RFTN1: variants seen among roughly 807,000 people sequenced by gnomAD.
The protein encoded by RFTN1 is raftlin, lipid raft linker 1.
Under a neutral mutation model 46.5 loss-of-function variants are expected in RFTN1, and 26 were observed. That is an observed-to-expected ratio of 0.56 (90% confidence interval 0.41 to 0.78). The LOEUF (loss-of-function observed/expected upper bound fraction) is 0.78. RFTN1 is among the 30% of genes least tolerant of loss of function. The probability of loss-of-function intolerance (pLI) is 0.00; values close to 1 mark genes in which losing one functional copy is unlikely to be tolerated. For synonymous variants in RFTN1, 261 were observed against 284.2 expected (o/e 0.92, Z 0.82); for missense variants, 693 against 718.7 (o/e 0.96, Z 0.41).
chr3:16,431,857 C>T (rs2075395731), intron 3 of RFTN1, among the ~76,000 whole-genome samples: 1 of 152,172 alleles, frequency 6.6e-6, no homozygotes, highest in Admixed American at 6.5e-5. Flanking sequence ...AAGTGGTTCT[C>T]CACAAGAATT....
Position 16,316,914 on chromosome 3 carries a change from A to G in RFTN1, c.1651T>C (p.Cys551Arg), listed in dbSNP as rs1166366571. The change falls in exon 10 of 10, where the codon TGC becomes CGC. Residue 551 changes from cysteine (C) to arginine (R), a missense_variant. Coordinates refer to ENST00000334133, the MANE Select transcript of RFTN1 (RefSeq NM_015150.2). This position sits in a 1 kb window ranked among gnomAD's most constrained non-coding sequence, Gnocchi z 4.5. ...ASHSRALVGI[C>R]TGHSNPGEDA... The stretch of plus-strand genomic sequence containing the variant: ...TCTCCAGGATTGGAGTGCCCAGTGC[A>G]AATCCCCACCAGGGCCCTGCTGTGG... 5.6e-6 allele frequency: 9 copies of G among 1,614,116 alleles called. No homozygotes were observed. In the Middle Eastern group the frequency reaches 6.6e-4, roughly 118 times the overall value.
chr3:16,374,158 G>A lies in RFTN1; in HGVS notation c.826+3560C>T, dbSNP rs1466402555. Among the ~76,000 whole-genome samples the A allele has an allele frequency of 6.6e-6, 1 of 152,194 alleles. No homozygotes were observed. On this transcript the variant is annotated intron_variant, in intron 5 of 9. Coordinates refer to ENST00000334133, the MANE Select transcript of RFTN1 (RefSeq NM_015150.2). This position sits in a 1 kb window ranked among gnomAD's most constrained non-coding sequence, Gnocchi z 5.4. Reference sequence around the variant, plus strand: ...TGTGACTCTCCCAAACTTGATGAGAGGGGGTGGCCCTGGTTCTGTGCCCAG... The same window carrying A: ...TGTGACTCTCCCAAACTTGATGAGAAGGGGTGGCCCTGGTTCTGTGCCCAG...
rs1176740416 is a variant in RFTN1 at position 16,321,862 on chromosome 3, C to T, written c.1332+1514G>A. Among the ~76,000 whole-genome samples the T allele has an allele frequency of 6.6e-6, 1 of 152,194 alleles. No individual in the cohort carries two copies. Among genetic ancestry groups the T allele is most frequent in the Non-Finnish European group, 1.5e-5 (1 of 68,032 alleles). On this transcript the variant is annotated intron_variant, in intron 9 of 9. Coordinates refer to ENST00000334133, the MANE Select transcript of RFTN1 (RefSeq NM_015150.2). This position sits in a 1 kb window ranked among gnomAD's most constrained non-coding sequence, Gnocchi z 4.8. ...TTTTACAAATCTATCTCTAAAGTCT[C>T]CCTGCCGACTCAAGTTTCCACTGAC... is the stretch of plus-strand genomic sequence containing the variant.
At chr3:16,349,562 C>T (rs1005970016) in intron 7 of RFTN1, 28 of 152,292 alleles carry the variant, frequency 1.8e-4, no homozygotes, top group African/African-American at 5.1e-4. Context: ...TATACACATA[C>T]GCCATTTAAA....
At position 16,500,808 on chromosome 3, in the gene RFTN1, T is replaced by C. The variant is rs1029965758; in HGVS notation, c.-8-6931A>G. Among the ~76,000 whole-genome samples the C allele has an allele frequency of 2.6e-5, 4 of 152,222 alleles. No individual in the cohort carries two copies. Among genetic ancestry groups the C allele is most frequent in the Non-Finnish European group, 5.9e-5 (4 of 68,034 alleles). ...CATCCATTCATTCAACACACATTTA[T>C]TGAGGTCTGCTTTGAGTCAGGCACT... On this transcript the variant is annotated intron_variant, in intron 1 of 9. Transcript: ENST00000334133. The surrounding 1 kb of genome is among the most constrained non-coding windows in gnomAD (Gnocchi z 5.9).
rs2071357012 is a variant in RFTN1 at position 16,342,135 on chromosome 3, C to CT, written c.1147-15260dup. 1.3e-5 allele frequency among the ~76,000 whole-genome samples: 2 copies of CT among 152,284 alleles called. No individual in the cohort carries two copies. The highest frequency in any genetic ancestry group is 2.4e-5 in the African/African-American group (1 of 41,538). ...AGAGTTATACAACCATCACCACAATCTAAGTTTAGACCACTTTCATCACCC... is the reference window on the plus strand; with the variant it reads ...AGAGTTATACAACCATCACCACAATCTTAAGTTTAGACCACTTTCATCACCC... On this transcript the variant is annotated intron_variant, in intron 7 of 9. Coordinates refer to ENST00000334133, the MANE Select transcript of RFTN1 (RefSeq NM_015150.2). This position sits in a 1 kb window ranked among gnomAD's most constrained non-coding sequence, Gnocchi z 4.0.
At position 16,421,158 on chromosome 3, in the gene RFTN1, T is replaced by C. The variant is rs1253181192; in HGVS notation, c.333-11675A>G. Among the ~76,000 whole-genome samples the C allele has an allele frequency of 6.6e-6, 1 of 152,124 alleles. No individual in the cohort carries two copies. Among genetic ancestry groups the C allele is most frequent in the South Asian group, 2.1e-4 (1 of 4,824 alleles). ...ATCGTAAACAACAGAAATGATGAAA[T>C]AAGCAATATTTTATAATGATGATCA... On this transcript the variant is annotated intron_variant, in intron 3 of 9. Coordinates refer to ENST00000334133, the MANE Select transcript of RFTN1 (RefSeq NM_015150.2). The surrounding 1 kb of genome is among the most constrained non-coding windows in gnomAD (Gnocchi z 4.6).
intron 3 of RFTN1, among the ~76,000 whole-genome samples, chr3:16,416,466 C>T (rs6776854): frequency 0.81 from 123,493 of 152,210 alleles, 50,843 homozygotes; most frequent in African/African-American, 0.95. Context: ...GTTTAATTAA[C>T]AGTGAAGTAC....
chr3:16,496,796 C>T (rs2076633284), intron 1 of RFTN1, among the ~76,000 whole-genome samples: 1 of 152,194 alleles, frequency 6.6e-6, no homozygotes, highest in African/African-American at 2.4e-5. Flanking sequence ...AGTAGCATTA[C>T]TCATACCAGC....
Position 16,483,740 on chromosome 3 carries a change from C to G in RFTN1, c.145+9985G>C, listed in dbSNP as rs982945499. The stretch of plus-strand genomic sequence containing the variant: ...AAGATCACACTAGTATAATTTTTTT[C>G]TGCCATCTCCACTCAAATTAAAAAA... On this transcript the variant is annotated intron_variant, in intron 2 of 9. Transcript: ENST00000334133. This position sits in a 1 kb window ranked among gnomAD's most constrained non-coding sequence, Gnocchi z 4.8. Among the ~76,000 whole-genome samples the G allele has an allele frequency of 1.3e-5, 2 of 151,134 alleles. No individual in the cohort carries two copies. The highest frequency in any genetic ancestry group is 4.9e-5 in the African/African-American group (2 of 41,050).
rs773105892 is a variant in RFTN1, at chr3:16,351,075, C to T, written c.1146+6857G>A. Reference sequence around the variant, plus strand: ...CTAATGTGTTATTACACAGGATTCACAGGATTATGAGACAGGGTTACAGGC... The same window carrying T: ...CTAATGTGTTATTACACAGGATTCATAGGATTATGAGACAGGGTTACAGGC... On this transcript the variant is annotated intron_variant, in intron 7 of 9. Transcript: ENST00000334133. The surrounding 1 kb of genome is among the most constrained non-coding windows in gnomAD (Gnocchi z 5.4). Among the ~76,000 whole-genome samples the T allele has an allele frequency of 6.6e-6, 1 of 152,140 alleles. No individual in the cohort carries two copies. Among genetic ancestry groups the T allele is most frequent in the African/African-American group, 2.4e-5 (1 of 41,406 alleles).
intron 4 of RFTN1, among the ~76,000 whole-genome samples, chr3:16,408,417 T>G (rs1051525722): frequency 2.4e-4 from 36 of 152,050 alleles, no homozygotes; most frequent in African/African-American, 8.5e-4. Flanking sequence ...ATTCCCTAAT[T>G]GGCTGATTGG....
chr3:16,477,588 A>G (rs2076302615), intron 2 of RFTN1, among the ~76,000 whole-genome samples: 1 of 152,248 alleles, frequency 6.6e-6, no homozygotes, highest in South Asian at 2.1e-4. Flanking sequence ...TGAATCAGGG[A>G]CATATGGGAA....
At position 16,425,297 on chromosome 3, in the gene RFTN1, A is replaced by C. The variant is rs2075267938; in HGVS notation, c.332+8554T>G. Among the ~76,000 whole-genome samples the C allele has an allele frequency of 6.6e-6, 1 of 152,192 alleles. No homozygotes were observed. The highest frequency in any genetic ancestry group is 2.1e-4 in the South Asian group (1 of 4,834). On this transcript the variant is annotated intron_variant, in intron 3 of 9. Coordinates refer to ENST00000334133, the MANE Select transcript of RFTN1 (RefSeq NM_015150.2). The surrounding 1 kb of genome is among the most constrained non-coding windows in gnomAD (Gnocchi z 4.3). ...CTATTTTATTTAAAAACAAATACAG[A>C]CATTTCATGGTACTGAAGTATTCAC... is the stretch of plus-strand genomic sequence containing the variant.
In RFTN1 at chr3:16,433,690, C is replaced by T. The variant is rs2075439129; in HGVS notation, c.332+161G>A. 6.6e-6 allele frequency among the ~76,000 whole-genome samples: 1 copy of T among 152,168 alleles called. No homozygotes were observed. Among genetic ancestry groups the T allele is most frequent in the Admixed American group, 6.5e-5 (1 of 15,286 alleles). ...CATCGCAGGATGCTAGGAAAGAAAC[C>T]TCTCTGGTTGTCTAACTGTTTGCCT... On this transcript the variant is annotated intron_variant, in intron 3 of 9. Transcript: ENST00000334133. The surrounding 1 kb of genome is among the most constrained non-coding windows in gnomAD (Gnocchi z 4.4).
Position 16,338,412 on chromosome 3 carries a change from G to A in RFTN1, c.1147-11536C>T, listed in dbSNP as rs756582664. Among the ~76,000 whole-genome samples the A allele has an allele frequency of 6.6e-6, 1 of 152,250 alleles. No individual in the cohort carries two copies. Among genetic ancestry groups the A allele is most frequent in the Non-Finnish European group, 1.5e-5 (1 of 68,052 alleles). ...GCACTGCAGTTCTGACTGTGGTTAA[G>A]CAACACAAAGCTGCCACATCCTGTC... On this transcript the variant is annotated intron_variant, in intron 7 of 9. Transcript: ENST00000334133. The surrounding 1 kb of genome is among the most constrained non-coding windows in gnomAD (Gnocchi z 5.3).
rs532250427 is a variant in RFTN1 at position 16,432,244 on chromosome 3, G to A, written c.332+1607C>T. ...TAAAGGAACCAATAATGGACTGGGC[G>A]TGGTGGCTCACACCTCTAATCCCAG... On this transcript the variant is annotated intron_variant, in intron 3 of 9. Coordinates refer to ENST00000334133, the MANE Select transcript of RFTN1 (RefSeq NM_015150.2). Among the ~76,000 whole-genome samples, 49 of 152,286 alleles carry A rather than the reference G, an allele frequency of 3.2e-4. 4 individuals are homozygous for A. The South Asian group carries it at 8.5e-3, about 26-fold the overall frequency.
intron 4 of RFTN1, among the ~76,000 whole-genome samples, chr3:16,392,157 T>C (rs927124762): frequency 6.6e-6 from 1 of 152,150 alleles, no homozygotes; most frequent in Non-Finnish European, 1.5e-5. Flanking sequence ...CCTGGCTCTT[T>C]GAGTGGGAAT....
rs2075663404 is a variant in RFTN1 at position 16,443,133 on chromosome 3, T to C, written c.146-9096A>G. On this transcript the variant is annotated intron_variant, in intron 2 of 9. Coordinates refer to ENST00000334133, the MANE Select transcript of RFTN1 (RefSeq NM_015150.2). This position sits in a 1 kb window ranked among gnomAD's most constrained non-coding sequence, Gnocchi z 5.5. Reference sequence around the variant, plus strand: ...CATAGGATATTTCTATTTTTAATTTTTGATGAACCTCCATATTGTTTTCTA... The same window carrying C: ...CATAGGATATTTCTATTTTTAATTTCTGATGAACCTCCATATTGTTTTCTA... 6.6e-6 allele frequency among the ~76,000 whole-genome samples: 1 copy of C among 152,260 alleles called. No individual in the cohort carries two copies. The highest frequency in any genetic ancestry group is 1.5e-5 in the Non-Finnish European group (1 of 68,046).
Sources: gnomAD v4.1 joint callset for allele counts (sites outside exome capture counted in the v4.1 genomes callset) on GRCh38, gnomAD v4.1.1 for gene constraint, Gnocchi (gnomAD v3.1) non-coding constraint, MANE v1.5 for transcripts, NCBI Gene and HGNC (gene_info 2026-07-23, HGNC 2026-07-21) for gene names.